PIEZO1: variants seen among roughly 807,000 people sequenced by gnomAD.
PIEZO1 encodes piezo type mechanosensitive ion channel component 1 (Er blood group).
Under a neutral mutation model 297.2 loss-of-function variants are expected in PIEZO1, and 296 were observed. The observed-to-expected ratio is 1.00, with a 90% CI of 0.91 to 1.10. PIEZO1 has a LOEUF of 1.10. Ranked by LOEUF, PIEZO1 falls within the 50% of genes least tolerant of loss-of-function variation. The pLI, the probability that PIEZO1 is intolerant of heterozygous loss-of-function variation, is 0.00. For synonymous variants in PIEZO1, 2,427 were observed against 1,507.5 expected, an observed-to-expected ratio of 1.61 and a Z score of -14.13; for missense variants, 5,018 against 3,455.5, an observed-to-expected ratio of 1.45 and a Z score of -11.34.
At chr16:88,781,947 A>C (rs1597493084) in intron 1 of PIEZO1, among the ~76,000 whole-genome samples, 1 of 152,174 alleles carries the variant, frequency 6.6e-6, no homozygotes, top group Admixed American at 6.5e-5. Context: ...GCCACGAGGC[A>C]CCCTGAAAAG....
At chr16:88,716,298 G>A (rs758880704) in intron 48 of PIEZO1, 21 bp from the exon 49 acceptor site, 51 of 1,491,864 alleles carry the variant, frequency 3.4e-5, no homozygotes, top group Non-Finnish European at 4.4e-5. Flanking sequence ...GTGCTGGCAG[G>A]TCAGGCCTGG....
Position 88,727,659 on chromosome 16 carries a change from A to T in PIEZO1, c.3199T>A (p.Tyr1067Asn). 6.9e-7 allele frequency: 1 copy of T among 1,443,762 alleles called. No individual in the cohort carries two copies. The highest frequency in any genetic ancestry group is 9.3e-7 in the Non-Finnish European group (1 of 1,079,878). The allele number at this position is 1,443,762 out of a possible 1,614,324, so 89.4% of individuals were successfully genotyped here. A position where few individuals can be genotyped will look rare whatever the true frequency, so the allele number is the denominator to read the frequency against. The change falls in exon 23 of 51, where the codon TAT becomes AAT. Residue 1067 changes from tyrosine (Y) to asparagine (N), a missense_variant and splice_region_variant. Tyr to Asn is a moderately radical substitution (Grantham distance 143). Coordinates refer to ENST00000301015, the MANE Select transcript of PIEZO1 (RefSeq NM_001142864.4). The part of the protein sequence containing the change: ...LGMPPALCID[Y>N]PWRWSRAVPM... Reference sequence around the variant, plus strand: ...ACGGCCCGGCTCCAGCGCCAGGGATAATCTGGGGGAAGGGGTGTCATGTCA... The same window carrying T: ...ACGGCCCGGCTCCAGCGCCAGGGATTATCTGGGGGAAGGGGTGTCATGTCA...
intron 1 of PIEZO1, among the ~76,000 whole-genome samples, chr16:88,751,439 A>G (rs1381905959): frequency 1.3e-5 from 2 of 152,200 alleles, no homozygotes; most frequent in African/African-American, 4.8e-5. Flanking sequence ...CAGACACGAA[A>G]GAATCGCGCT....
At chr16:88,740,044 G>T (rs1167200079) in intron 5 of PIEZO1, 1 of 148,682 alleles carries the variant, frequency 6.7e-6, no homozygotes, top group Non-Finnish European at 1.5e-5. Context: ...AGGCCACCGA[G>T]GGGCAGGCCC....
At position 88,727,078 on chromosome 16, in the gene PIEZO1, C is replaced by G. The variant is rs747323210; in HGVS notation, c.3416G>C (p.Arg1139Pro). The change falls in exon 24 of 51, where the codon CGG becomes CCG. Residue 1139 changes from arginine to proline, a missense_variant. Arg to Pro is a moderately radical substitution (Grantham distance 103). Transcript: ENST00000301015. The stretch of plus-strand genomic sequence containing the variant: ...GTTGGGCACGGGGTTGGGCTCCCCC[C>G]GCAGCGGCTCCAGGCGGTCGGTGTT... Reference protein sequence around the residue: ...GVNTDRLEPLRGEPNPVPNFI... With the variant: ...GVNTDRLEPLPGEPNPVPNFI... 17 of 1,549,464 alleles carry G rather than the reference C, an allele frequency of 1.1e-5. No individual in the cohort carries two copies. The African/African-American group carries it at 1.6e-4, about 15-fold the overall frequency.
chr16:88,724,406 C>T (rs144282449), intron 30 of PIEZO1, among the ~76,000 whole-genome samples: 6,279 of 152,124 alleles, frequency 0.041, 394 homozygotes, highest in African/African-American at 0.13. Context: ...TGGCGGGCAC[C>T]TGTAATCCCA....
chr16:88,738,307 G>A lies in PIEZO1; in HGVS notation c.768C>T (p.Gly256=), dbSNP rs761959598. Residue 256 remains glycine, a synonymous_variant, in exon 7 of 51, where the codon GGC becomes GGT. Transcript: ENST00000301015. ...AGTAGAGGCAGATGAGATGGCCGGC[G>A]CCGAAGCACCCCACCGCGACGCAGA... ...SRLCVAVGCF[G]AGHLICLYCY... 1.1e-4 allele frequency: 169 copies of A among 1,535,754 alleles called. No homozygotes were observed. The highest frequency in any genetic ancestry group is 1.4e-4 in the Non-Finnish European group (156 of 1,146,836).
chr16:88,783,973 G>A (rs1170229687), intron 1 of PIEZO1, among the ~76,000 whole-genome samples: 1 of 152,238 alleles, frequency 6.6e-6, no homozygotes, highest in African/African-American at 2.4e-5. Context: ...CGTCCCACTT[G>A]TCCGTGGGTT....
chr16:88,739,186 C>A (rs373717129), intron 5 of PIEZO1: 2 of 161,596 alleles, frequency 1.2e-5, no homozygotes, highest in Middle Eastern at 2.8e-3. Context: ...TGTACCCCTG[C>A]CAGCCTTCTG....
At position 88,749,404 on chromosome 16, in the gene PIEZO1, G is replaced by A. The variant is rs772183217; in HGVS notation, c.140C>T (p.Pro47Leu). The change falls in exon 2 of 51, where the codon CCC (proline) becomes CTC (leucine). Residue 47 changes from proline (P) to leucine (L), a missense_variant. Transcript: ENST00000301015. ...CTTACCTTGGAGGCCGCATCGGGTG[G>A]GGCCGGGGAACCAGGGCAGCAGCAG... ...FLLLLPWFPG[P>L]TRCGLQGHTG... The A allele has an allele frequency of 1.3e-6, 2 of 1,517,732 alleles. No homozygotes were observed. Among genetic ancestry groups the A allele is most frequent in the South Asian group, 1.2e-5 (1 of 80,448 alleles). 94.0% of individuals were successfully genotyped at this position (1,517,732 alleles called of 1,614,324 possible).
chr16:88,726,206 G>C (rs1043806369), intron 27 of PIEZO1, 78 bp downstream of exon 27: 4 of 1,273,860 alleles, frequency 3.1e-6, no homozygotes, highest in Non-Finnish European at 3.2e-6. Flanking sequence ...GCCGGGGCCT[G>C]AGACAGTGAG....
intron 1 of PIEZO1, among the ~76,000 whole-genome samples, chr16:88,773,429 A>C (rs376732310): frequency 1.3e-5 from 2 of 152,252 alleles, no homozygotes; most frequent in South Asian, 4.1e-4. Flanking sequence ...GCAGGAAGCC[A>C]GGCGACCGAT....
At chr16:88,719,268 G>T (rs904899484) in intron 44 of PIEZO1, 4 of 345,936 alleles carry the variant, frequency 1.2e-5, no homozygotes, top group South Asian at 1.1e-4. Flanking sequence ...TCTGAGAAAG[G>T]CCATTAAACA....
chr16:88,716,130 G>T lies in PIEZO1; in HGVS notation c.7130-11C>A, dbSNP rs771536709. On this transcript the variant is annotated splice_polypyrimidine_tract_variant and intron_variant, in intron 49 of 50. Transcript: ENST00000301015. ...AGTCGGCCTCCTCATCTGGGATGGA[G>T]GGAGAAGATCGTTGAGGCCGCAGGT... 12 of 1,538,414 alleles carry T rather than the reference G, an allele frequency of 7.8e-6. No individual in the cohort carries two copies. Among genetic ancestry groups the T allele is most frequent in the African/African-American group, 1.4e-5 (1 of 72,866 alleles).
At chr16:88,763,115 G>A (rs2142887839) in intron 1 of PIEZO1, among the ~76,000 whole-genome samples, 1 of 152,334 alleles carries the variant, frequency 6.6e-6, no homozygotes, top group African/African-American at 2.4e-5. Context: ...GGCGTTCCAG[G>A]TCATGATTCA....
intron 1 of PIEZO1, among the ~76,000 whole-genome samples, chr16:88,763,158 G>A (rs1907007597): frequency 6.6e-6 from 1 of 152,220 alleles, no homozygotes; most frequent in African/African-American, 2.4e-5. Context: ...TGAGCTAGCA[G>A]CCAATGTCCT....
intron 1 of PIEZO1, among the ~76,000 whole-genome samples, chr16:88,774,225 T>C (rs1165884410): frequency 6.6e-6 from 1 of 152,130 alleles, no homozygotes; most frequent in East Asian, 1.9e-4. Flanking sequence ...CTGACCAGGC[T>C]GTAATAATAT....
At chr16:88,717,773 G>C (rs1792497788) in intron 44 of PIEZO1, 1 of 451,008 alleles carries the variant, frequency 2.2e-6, no homozygotes, top group African/African-American at 2.0e-5. Context: ...AGAATACAGA[G>C]AATTCTTCCA....
intron 2 of PIEZO1, 30 bp from the exon 3 acceptor site, chr16:88,742,452 C>A (rs1331146855): frequency 6.5e-7 from 1 of 1,531,984 alleles, no homozygotes; most frequent in Non-Finnish European, 8.7e-7. Context: ...TGAGGCTGGT[C>A]CCGGGGACGG....
Sources: gnomAD v4.1 joint callset for allele counts (sites outside exome capture counted in the v4.1 genomes callset) on GRCh38, gnomAD v4.1.1 for gene constraint, MANE v1.5 for transcripts, NCBI Gene and HGNC (gene_info 2026-07-23, HGNC 2026-07-21) for gene names.